The following DDR2 variants were observed in gnomAD, a reference collection of about 807,000 sequenced individuals.
DDR2 encodes discoidin domain-containing receptor 2.
In DDR2, 27 loss-of-function variants were observed where a neutral mutation model predicts 94.9. The ratio of observed to expected loss-of-function variants is 0.28; its 90% CI spans 0.21 to 0.39. The LOEUF (loss-of-function observed/expected upper bound fraction) is 0.39, where lower values mean the gene tolerates loss of function less well. DDR2 is among the 10% of genes least tolerant of loss of function. The pLI, the probability that DDR2 is intolerant of heterozygous loss-of-function variation, is 1.00. For synonymous variants in DDR2, 382 were observed against 377.2 expected (o/e 1.01, Z -0.15); for missense variants, 783 against 1,076.0 (o/e 0.73, Z 3.81).
At chr1:162,695,939 A>C (rs1484758397) in intron 2 of DDR2, among the ~76,000 whole-genome samples, 1 of 152,154 alleles carries the variant, frequency 6.6e-6, no homozygotes, top group African/African-American at 2.4e-5. Flanking sequence ...CTAATGCTGA[A>C]CTATGAACAC....
chr1:162,747,892 G>A (rs966277017), intron 3 of DDR2, among the ~76,000 whole-genome samples: 5 of 152,112 alleles, frequency 3.3e-5, no homozygotes, highest in Non-Finnish European at 7.4e-5. Context: ...TTCATATCCA[G>A]CCAAACTAAG....
intron 3 of DDR2, among the ~76,000 whole-genome samples, chr1:162,748,221 T>C (rs2102110032): frequency 6.6e-6 from 1 of 152,106 alleles, no homozygotes; most frequent in Admixed American, 6.5e-5. Context: ...GGATAAAGAG[T>C]CAAGACCCAT....
In DDR2 at chr1:162,776,455, C is replaced by G. The variant is rs535661081; in HGVS notation, c.2283+85C>G. 3.9e-6 allele frequency: 5 copies of G among 1,277,462 alleles called. No homozygotes were observed. The East Asian group carries it at 9.3e-5, about 24-fold the overall frequency. The allele number at this position is 1,277,462 out of a possible 1,614,324, so 79.1% of individuals were successfully genotyped here. On this transcript the variant is annotated intron_variant, in intron 16 of 17. Transcript: ENST00000367921. ...ACACGTGGAGACAAACCTGAGACAG[C>G]AGGAGGCAAACTCAATAGACTGTAG...
chr1:162,661,833 A>C (rs907075629), intron 2 of DDR2, among the ~76,000 whole-genome samples: 5 of 152,164 alleles, frequency 3.3e-5, no homozygotes, highest in Non-Finnish European at 7.3e-5. Context: ...ATCTGGGGCC[A>C]AAGAGGTTTA....
rs201701502 is a variant in DDR2, at chr1:162,775,837, C to T, written c.2042C>T (p.Thr681Ile). 49 of 1,613,992 alleles carry T rather than the reference C, an allele frequency of 3.0e-5. No homozygotes were observed. The East Asian group carries it at 8.7e-4, about 29-fold the overall frequency. ...PPNSSSSDVR[T>I]VSYTNLKFMA... ...AATTCTTCCTCCAGCGATGTACGCA[C>T]TGTCAGGTAAACAAGCCAGGTCTTC... The change falls in exon 15 of 18, where the codon ACT becomes ATT. Residue 681 changes from threonine to isoleucine, a missense_variant. Coordinates refer to ENST00000367921, the MANE Select transcript of DDR2 (RefSeq NM_006182.4).
At chr1:162,718,114 T>C (rs998641326) in intron 2 of DDR2, among the ~76,000 whole-genome samples, 4 of 152,246 alleles carry the variant, frequency 2.6e-5, no homozygotes, top group African/African-American at 9.6e-5. Context: ...CTTTGGTTTA[T>C]AATTCAATAC....
In DDR2 at chr1:162,719,136, G is replaced by T; in HGVS notation, c.73G>T (p.Val25Phe). The change falls in exon 3 of 18, where the codon GTT becomes TTT. Residue 25 changes from valine to phenylalanine, a missense_variant. Around this residue, in one of 2 missense-constraint regions of DDR2, gnomAD observed 519 missense variants for 647.9 expected, o/e 0.80. Transcript: ENST00000367921. ...TATCTTGAGTTCTGCAAAAGCTCAGGTTAATCCAGGTAACATGGCTATTAC... is the reference window on the plus strand; with the variant it reads ...TATCTTGAGTTCTGCAAAAGCTCAGTTTAATCCAGGTAACATGGCTATTAC... ...LPILSSAKAQ[V>F]NPAICRYPLG... 1 of 1,613,726 alleles carries T rather than the reference G, an allele frequency of 6.2e-7. No individual in the cohort carries two copies. Among genetic ancestry groups the T allele is most frequent in the South Asian group, 1.1e-5 (1 of 91,072 alleles).
At chr1:162,762,249 G>A (rs990815669) in intron 9 of DDR2, among the ~76,000 whole-genome samples, 1 of 152,134 alleles carries the variant, frequency 6.6e-6, no homozygotes, top group African/African-American at 2.4e-5. Context: ...TTTCTGTGGT[G>A]TCATTTTACT....
At chr1:162,647,308 A>C (rs2101897502) in intron 1 of DDR2, among the ~76,000 whole-genome samples, 1 of 152,206 alleles carries the variant, frequency 6.6e-6, no homozygotes, top group East Asian at 1.9e-4. Flanking sequence ...CTTGAGGCCC[A>C]GAAAGAGATT....
chr1:162,640,503 T>G (rs1259420974), intron 1 of DDR2, among the ~76,000 whole-genome samples: 1 of 152,188 alleles, frequency 6.6e-6, no homozygotes, highest in Admixed American at 6.5e-5. Flanking sequence ...AATTTTGCTG[T>G]GAACCTACAA....
intron 3 of DDR2, 191 bp downstream of exon 3, chr1:162,719,336 C>T: frequency 1.4e-6 from 1 of 709,960 alleles, no homozygotes; most frequent in Non-Finnish European, 1.7e-6. Flanking sequence ...TTAATACTTA[C>T]AACCTGTTGA....
intron 2 of DDR2, among the ~76,000 whole-genome samples, chr1:162,688,837 G>T (rs1034676766): frequency 1.3e-5 from 2 of 152,180 alleles, no homozygotes; most frequent in Non-Finnish European, 2.9e-5. Context: ...AGCTCCCAGT[G>T]TGTCCCTTGG....
At chr1:162,742,940 C>G (rs1045821909) in intron 3 of DDR2, among the ~76,000 whole-genome samples, 1 of 152,106 alleles carries the variant, frequency 6.6e-6, no homozygotes, top group Admixed American at 6.5e-5. Flanking sequence ...ACGGGAAAGA[C>G]GGGCAGGCCC....
intron 2 of DDR2, among the ~76,000 whole-genome samples, chr1:162,684,017 G>T (rs894690703): frequency 6.6e-6 from 1 of 152,184 alleles, no homozygotes; most frequent in African/African-American, 2.4e-5. Context: ...TCAAGGCTGT[G>T]TGGTATTGAC....
At chr1:162,682,896 A>ATGT (rs1313129892) in intron 2 of DDR2, among the ~76,000 whole-genome samples, 2 of 152,220 alleles carry the variant, frequency 1.3e-5, no homozygotes, top group African/African-American at 4.8e-5. Flanking sequence ...TGATATAGCC[A>ATGT]TGTTCAAAGA....
At chr1:162,701,861 G>A (rs950404634) in intron 2 of DDR2, among the ~76,000 whole-genome samples, 6 of 152,080 alleles carry the variant, frequency 3.9e-5, no homozygotes, top group Non-Finnish European at 5.9e-5. Flanking sequence ...TTCAGAATAG[G>A]GCATCACATA....
At chr1:162,654,017 G>A (rs6697494) in intron 1 of DDR2, among the ~76,000 whole-genome samples, 139,317 of 152,250 alleles carry the variant, frequency 0.92, 64,320 homozygotes, top group Middle Eastern at 0.98. Context: ...CATTCAGAGG[G>A]ACACAACAGA....
chr1:162,698,939 T>C (rs1660309535), intron 2 of DDR2, among the ~76,000 whole-genome samples: 1 of 152,316 alleles, frequency 6.6e-6, no homozygotes, highest in African/African-American at 2.4e-5. Context: ...CCTTCCCTAG[T>C]CTGAAATTAC....
intron 3 of DDR2, among the ~76,000 whole-genome samples, chr1:162,745,486 T>G (rs1261323758): frequency 6.6e-6 from 1 of 152,224 alleles, no homozygotes; most frequent in East Asian, 1.9e-4. Context: ...TAATCCATTT[T>G]GAGTTGATTT....
Sources: gnomAD v4.1 joint callset for allele counts (sites outside exome capture counted in the v4.1 genomes callset) on GRCh38, gnomAD v4.1.1 for gene constraint, gnomAD v4.1.1 regional missense constraint, MANE v1.5 for transcripts, NCBI Gene and HGNC (gene_info 2026-07-23, HGNC 2026-07-21) for gene names.